The following NKAIN3 variants were observed in gnomAD, a reference collection of about 807,000 sequenced individuals.
NKAIN3 encodes sodium/potassium transporting ATPase interacting 3.
In NKAIN3, 25 loss-of-function variants were observed where a neutral mutation model predicts 30.2. The ratio of observed to expected loss-of-function variants is 0.83; its 90% CI spans 0.60 to 1.16. NKAIN3 has a LOEUF of 1.16. Ranked by LOEUF, NKAIN3 falls within the 50% of genes most tolerant of loss-of-function variation. NKAIN3 has a pLI of 0.00. For synonymous variants in NKAIN3, 91 were observed against 89.6 expected (o/e 1.02, Z -0.09); for missense variants, 225 against 254.1 (o/e 0.89, Z 0.78).
chr8:62,571,750 C>A (rs1461016689), intron 1 of NKAIN3, among the ~76,000 whole-genome samples: 1 of 152,178 alleles, frequency 6.6e-6, no homozygotes, highest in Non-Finnish European at 1.5e-5. Flanking sequence ...CACATGGAAG[C>A]TGTCAAGGCT....
intron 4 of NKAIN3, among the ~76,000 whole-genome samples, chr8:62,908,234 G>A (rs1821837156): frequency 6.6e-6 from 1 of 152,194 alleles, no homozygotes; most frequent in South Asian, 2.1e-4. Context: ...TGCAATAGGT[G>A]TATTTACCCA....
At chr8:62,459,186 G>A (rs1217643754) in intron 1 of NKAIN3, among the ~76,000 whole-genome samples, 9 of 152,242 alleles carry the variant, frequency 5.9e-5, no homozygotes, top group African/African-American at 1.2e-4. Flanking sequence ...TTAGATCAGG[G>A]CCTCTGCTAA....
chr8:62,339,936 T>C (rs1298937272), intron 1 of NKAIN3, among the ~76,000 whole-genome samples: 1 of 152,048 alleles, frequency 6.6e-6, no homozygotes, highest in Non-Finnish European at 1.5e-5. Context: ...GAAATGGGTC[T>C]CAACTGCAAA....
chr8:62,533,157 A>G (rs1440046328), intron 1 of NKAIN3, among the ~76,000 whole-genome samples: 2 of 152,206 alleles, frequency 1.3e-5, no homozygotes, highest in Non-Finnish European at 2.9e-5. Context: ...CAGGAAATGA[A>G]GGAGTTTGGG....
intron 1 of NKAIN3, among the ~76,000 whole-genome samples, chr8:62,386,935 GAGAGAGAA>G (rs1817443702): frequency 1.3e-5 from 2 of 151,734 alleles, no homozygotes; most frequent in South Asian, 4.1e-4. Context: ...GAGAGAGAGA[GAGAGAGAA>G]AGAGAGAGAG....
At chr8:62,857,010 CT>C in intron 4 of NKAIN3, 2 of 520,976 alleles carry the variant, frequency 3.8e-6, no homozygotes, top group South Asian at 1.5e-5. Context: ...TCTCCACTTG[CT>C]TCAAGGTTCT....
rs753316960 is a variant in NKAIN3 at position 62,734,943 on chromosome 8, G to A, written c.274-11989G>A. The stretch of plus-strand genomic sequence containing the variant: ...GAAGATAGGGCTCCAATCCCTTCTG[G>A]CTTGTGCGGTTTCTGCTTAGAAATC... On this transcript the variant is annotated intron_variant, in intron 3 of 6. Coordinates refer to ENST00000623646, the MANE Select transcript of NKAIN3 (RefSeq NM_001304533.3). 5.0e-4 allele frequency among the ~76,000 whole-genome samples: 76 copies of A among 152,170 alleles called. 1 individual carries two copies. The highest frequency in any genetic ancestry group is 4.6e-4 in the Admixed American group (7 of 15,280).
intron 1 of NKAIN3, among the ~76,000 whole-genome samples, chr8:62,501,981 T>G (rs146122099): frequency 6.6e-6 from 1 of 152,142 alleles, no homozygotes; most frequent in Non-Finnish European, 1.5e-5. Flanking sequence ...AAAAAAAGAT[T>G]TAAAGTGTTT....
chr8:62,965,603 T>C lies in NKAIN3; in HGVS notation c.*196T>C. 1.1e-6 allele frequency: 1 copy of C among 941,606 alleles called. No individual in the cohort carries two copies. Among genetic ancestry groups the C allele is most frequent in the Non-Finnish European group, 1.3e-6 (1 of 797,344 alleles). 58.3% of individuals were successfully genotyped at this position (941,606 alleles called of 1,614,324 possible). ...TTTTTTTAGTCGTTTTCTTCTTATA[T>C]GAACACTTGTAAGTTGTAAAAAAAA... On this transcript the variant is annotated 3_prime_UTR_variant, in exon 7 of 7. Coordinates refer to ENST00000623646, the MANE Select transcript of NKAIN3 (RefSeq NM_001304533.3).
At chr8:62,885,841 T>C (rs1489396328) in intron 4 of NKAIN3, among the ~76,000 whole-genome samples, 1 of 152,178 alleles carries the variant, frequency 6.6e-6, no homozygotes, top group East Asian at 1.9e-4. Flanking sequence ...AATATTTTTT[T>C]CCACCCCATT....
intron 1 of NKAIN3, among the ~76,000 whole-genome samples, chr8:62,573,918 A>G (rs1810025153): frequency 1.3e-5 from 2 of 152,300 alleles, no homozygotes; most frequent in Admixed American, 1.3e-4. Flanking sequence ...TTTAAAATGT[A>G]CAATTAAATT....
rs1313934236 is a variant in NKAIN3, at chr8:62,966,335, C to T, written c.*928C>T. On this transcript the variant is annotated 3_prime_UTR_variant, in exon 7 of 7. Transcript: ENST00000623646. ...GTGTGAGCAACATCAGCTTTTCTTTCTCCTACCCCTTCCCAATAACCAAGA... is the reference window on the plus strand; with the variant it reads ...GTGTGAGCAACATCAGCTTTTCTTTTTCCTACCCCTTCCCAATAACCAAGA... The T allele has an allele frequency of 1.0e-6, 1 of 984,528 alleles. No homozygotes were observed. The highest frequency in any genetic ancestry group is 1.7e-5 in the African/African-American group (1 of 57,212). 61.0% of individuals were successfully genotyped at this position (984,528 alleles called of 1,614,324 possible).
chr8:62,496,123 A>C (rs144997770), intron 1 of NKAIN3, among the ~76,000 whole-genome samples: 2 of 152,182 alleles, frequency 1.3e-5, no homozygotes, highest in Non-Finnish European at 2.9e-5. Context: ...AATGATGTGC[A>C]TCATGGCCTA....
intron 4 of NKAIN3, among the ~76,000 whole-genome samples, chr8:62,814,421 A>G (rs1370259381): frequency 6.6e-6 from 1 of 152,036 alleles, no homozygotes; most frequent in Admixed American, 6.6e-5. Flanking sequence ...AAATCAACAG[A>G]ATATACATTT....
At chr8:62,729,485 C>T (rs1248808805) in intron 3 of NKAIN3, among the ~76,000 whole-genome samples, 1 of 152,162 alleles carries the variant, frequency 6.6e-6, no homozygotes, top group Non-Finnish European at 1.5e-5. Flanking sequence ...ACTAAACGTA[C>T]TCTTACCATA....
At chr8:62,765,805 G>T (rs184548396) in intron 4 of NKAIN3, among the ~76,000 whole-genome samples, 1,550 of 151,930 alleles carry the variant, frequency 0.01, 25 homozygotes, top group African/African-American at 0.034. Flanking sequence ...TACTATAAAT[G>T]AATTTTTTTC....
Position 62,581,382 on chromosome 8 carries a change from A to G in NKAIN3, c.192+1706A>G, listed in dbSNP as rs114710093. Among the ~76,000 whole-genome samples, 1,169 of 152,274 alleles carry G rather than the reference A, an allele frequency of 7.7e-3. 13 individuals carry two copies. The highest frequency in any genetic ancestry group is 0.027 in the African/African-American group (1,115 of 41,564). The stretch of plus-strand genomic sequence containing the variant: ...TTGGTATTCTGCTGCGAAACAAAAT[A>G]CCTGGTGGCTTTGAAACCATAGATG... On this transcript the variant is annotated intron_variant, in intron 2 of 6. Transcript: ENST00000623646.
rs149004993 is a variant in NKAIN3, at chr8:62,435,134, G to A, written c.55-144405G>A. Among the ~76,000 whole-genome samples, 912 of 152,224 alleles carry A rather than the reference G, an allele frequency of 6.0e-3. 14 individuals are homozygous for A. The highest frequency in any genetic ancestry group is 0.02 in the African/African-American group (831 of 41,536). ...CTGGTCAGCGCTGACACCTCTAGCTGAGAGATGACACTTCATGTCCTAAAA... is the reference window on the plus strand; with the variant it reads ...CTGGTCAGCGCTGACACCTCTAGCTAAGAGATGACACTTCATGTCCTAAAA... On this transcript the variant is annotated intron_variant, in intron 1 of 6. Transcript: ENST00000623646.
In NKAIN3 at chr8:62,754,856, G is replaced by A. The variant is rs1388289731; in HGVS notation, c.471+7727G>A. ...TTATAGAATAAATTGCACAATGTCA[G>A]AGTAGACAATACTACTGTTGCTTCA... On this transcript the variant is annotated intron_variant, in intron 4 of 6. Coordinates refer to ENST00000623646, the MANE Select transcript of NKAIN3 (RefSeq NM_001304533.3). Among the ~76,000 whole-genome samples the A allele has an allele frequency of 5.3e-5, 8 of 152,178 alleles. No homozygotes were observed. The East Asian group carries it at 1.5e-3, about 29-fold the overall frequency.
Sources: gnomAD v4.1 joint callset for allele counts (sites outside exome capture counted in the v4.1 genomes callset) on GRCh38, gnomAD v4.1.1 for gene constraint, MANE v1.5 for transcripts, NCBI Gene and HGNC (gene_info 2026-07-23, HGNC 2026-07-21) for gene names.